Variants in DEAF1 observed in about 807,000 individuals in gnomAD.
DEAF1 encodes DEAF1 transcription factor, also known as deformed epidermal autoregulatory factor 1 homolog.
Under a neutral mutation model 58.9 loss-of-function variants are expected in DEAF1, and 53 were observed. The ratio of observed to expected loss-of-function variants is 0.90; its 90% CI spans 0.72 to 1.13. DEAF1 has a LOEUF of 1.13. Among genes scored for constraint, DEAF1 ranks in the 50% most tolerant of loss-of-function variants. The pLI, the probability that DEAF1 is intolerant of heterozygous loss-of-function variation, is 0.00. For missense variants in DEAF1, 685 were observed against 791.4 expected (o/e 0.87, Z 1.61); for synonymous variants, 385 against 340.4 (o/e 1.13, Z -1.44).
chr11:660,596 A>G (rs1247277944), intron 10 of DEAF1, among the ~76,000 whole-genome samples: 1 of 152,240 alleles, frequency 6.6e-6, no homozygotes, highest in East Asian at 1.9e-4. Flanking sequence ...CCCTGGGGAC[A>G]CGGGGATGGC....
At chr11:692,789 G>A (rs1247869653) in intron 1 of DEAF1, among the ~76,000 whole-genome samples, 2 of 151,924 alleles carry the variant, frequency 1.3e-5, no homozygotes, top group African/African-American at 4.8e-5. Flanking sequence ...GAGGCGGGAG[G>A]TTGCGGTGAG....
Position 650,373 on chromosome 11 carries a change from C to CAAAAAA in DEAF1, c.1593+3583_1593+3588dup, listed in dbSNP as rs796351710. ...TGGGGGACAGAGTGACAGTCCGTCTCAAAAAAAAAAAAAAAAAAAAAAAAA... is the reference window on the plus strand; with the variant it reads ...TGGGGGACAGAGTGACAGTCCGTCTCAAAAAAAAAAAAAAAAAAAAAAAAAAAAAAA... On this transcript the variant is annotated intron_variant, in intron 11 of 11. Transcript: ENST00000382409. Among the ~76,000 whole-genome samples the CAAAAAA allele has an allele frequency of 2.4e-3, 54 of 22,252 alleles. 9 individuals are homozygous for CAAAAAA. Among genetic ancestry groups the CAAAAAA allele is most frequent in the Non-Finnish European group, 3.4e-3 (41 of 11,956 alleles). 14.6% of individuals were successfully genotyped at this position (22,252 alleles called of 152,430 possible). A position where few individuals can be genotyped will look rare whatever the true frequency, so the allele number is the denominator to read the frequency against.
Position 701,406 on chromosome 11 carries a change from C to CTT in DEAF1, c.-438+5164_-438+5165dup, listed in dbSNP as rs71022955. Among the ~76,000 whole-genome samples, 241 of 64,902 alleles carry CTT rather than the reference C, an allele frequency of 3.7e-3. 2 individuals are homozygous for CTT. The highest frequency in any genetic ancestry group is 0.019 in the Middle Eastern group (1 of 52). 42.6% of individuals were successfully genotyped at this position (64,902 alleles called of 152,430 possible). The stretch of plus-strand genomic sequence containing the variant: ...TTTTGGTAGAGACGAGACAAGGTTT[C>CTT]TTTTTTTTTTTTTTTTTTTTTTGAG... On this transcript the variant is annotated intron_variant, in intron 1 of 11. Transcript: ENST00000683307.
intron 11 of DEAF1, among the ~76,000 whole-genome samples, chr11:651,817 C>T (rs990937749): frequency 2.0e-5 from 3 of 152,164 alleles, no homozygotes; most frequent in African/African-American, 7.2e-5. Context: ...ACCTGGGAGG[C>T]GGAGCTTGCG....
At chr11:680,130 C>T (rs879927782) in intron 7 of DEAF1, 50 of 400,724 alleles carry the variant, frequency 1.2e-4, no homozygotes, top group Non-Finnish European at 2.0e-4. Context: ...TTAAGTACTT[C>T]GTGGTTCGAA....
At chr11:664,149 G>C in intron 10 of DEAF1, among the ~76,000 whole-genome samples, 1 of 151,948 alleles carries the variant, frequency 6.6e-6, no homozygotes, top group East Asian at 1.9e-4. Flanking sequence ...GGAGGCAGAG[G>C]TTGCGGTGAG....
intron 11 of DEAF1, among the ~76,000 whole-genome samples, chr11:648,372 T>A (rs1221969791): frequency 6.6e-6 from 1 of 151,924 alleles, no homozygotes; most frequent in Non-Finnish European, 1.5e-5. Flanking sequence ...TTTTTTTGTA[T>A]TTTTAGTAGA....
At chr11:696,180 A>C (rs181319163), upstream of DEAF1, among the ~76,000 whole-genome samples, 43 of 152,192 alleles carry the variant, frequency 2.8e-4, no homozygotes, top group East Asian at 5.4e-3. Context: ...GGGTTTCGGT[A>C]GCCTTGGAAC....
At chr11:702,312 C>T (rs948621934) in intron 1 of DEAF1, among the ~76,000 whole-genome samples, 12 of 152,218 alleles carry the variant, frequency 7.9e-5, no homozygotes, top group African/African-American at 2.9e-4. Context: ...GTGCGAGCAC[C>T]GCTGCGGCAC....
chr11:696,620 C>G (rs1861177584), upstream of DEAF1, among the ~76,000 whole-genome samples: 1 of 151,690 alleles, frequency 6.6e-6, no homozygotes, highest in Non-Finnish European at 1.5e-5. Flanking sequence ...CTGTAAACAT[C>G]AGCCAGGCGG....
At chr11:646,642 A>G (rs983397558) in intron 11 of DEAF1, 1 of 152,256 alleles carries the variant, frequency 6.6e-6, no homozygotes, top group Non-Finnish European at 1.5e-5. Context: ...CAAAGAGGCA[A>G]AGGCCCAGGG....
At chr11:655,511 G>A (rs1039577822) in intron 10 of DEAF1, among the ~76,000 whole-genome samples, 5 of 150,004 alleles carry the variant, frequency 3.3e-5, no homozygotes, top group African/African-American at 9.9e-5. Flanking sequence ...GCCGCGACCT[G>A]CACGCCCGCT....
In DEAF1 at chr11:684,866, G is replaced by C. The variant is rs1275511681; in HGVS notation, c.870+32C>G. On this transcript the variant is annotated intron_variant, in intron 6 of 11. Coordinates refer to ENST00000382409, the MANE Select transcript of DEAF1 (RefSeq NM_021008.4). ...ACTCAGCCGCCCCCAGCCCCACCAA[G>C]TCATCCTGTTCCAGACACGCTGGCC... The C allele has an allele frequency of 2.6e-6, 4 of 1,548,744 alleles. No individual in the cohort carries two copies. The African/African-American group carries it at 4.1e-5, about 16-fold the overall frequency.
intron 10 of DEAF1, among the ~76,000 whole-genome samples, chr11:662,809 C>G (rs1043236668): frequency 6.6e-5 from 10 of 152,222 alleles, no homozygotes; most frequent in Non-Finnish European, 1.2e-4. Context: ...CGGCTGCATG[C>G]ACACAGCACT....
intron 5 of DEAF1, among the ~76,000 whole-genome samples, chr11:685,481 G>C (rs1396591323): frequency 6.6e-6 from 1 of 152,090 alleles, no homozygotes; most frequent in Non-Finnish European, 1.5e-5. Flanking sequence ...GACCACCTGA[G>C]CTCAGGAGCT....
intron 1 of DEAF1, chr11:700,526 C>A (rs1440979100): frequency 4.7e-5 from 42 of 901,088 alleles, no homozygotes; most frequent in African/African-American, 1.4e-4. Context: ...GACCCTGTCT[C>A]AAAAAAAAAA....
At chr11:648,216 A>G (rs1338823798) in intron 11 of DEAF1, among the ~76,000 whole-genome samples, 1 of 126,396 alleles carries the variant, frequency 7.9e-6, no homozygotes, top group Non-Finnish European at 1.6e-5. Context: ...TTTTTTTGAG[A>G]CGGAGTCTCC....
At chr11:697,157 G>A (rs1180660119), upstream of DEAF1, among the ~76,000 whole-genome samples, 1 of 141,308 alleles carries the variant, frequency 7.1e-6, no homozygotes, top group African/African-American at 2.6e-5. Context: ...GGGAGGCTGA[G>A]GCTGGCGGAT....
At chr11:695,427 G>T (rs1262866018), upstream of DEAF1, 4 of 437,318 alleles carry the variant, frequency 9.1e-6, no homozygotes, top group Non-Finnish European at 1.5e-5. Context: ...CTGACAGGCT[G>T]AGGCGGCTGT....
Sources: gnomAD v4.1 joint callset for allele counts (sites outside exome capture counted in the v4.1 genomes callset) on GRCh38, gnomAD v4.1.1 for gene constraint, MANE v1.5 for transcripts, NCBI Gene and HGNC (gene_info 2026-07-23, HGNC 2026-07-21) for gene names.